STXBP5L: variants seen among roughly 807,000 people sequenced by gnomAD.
The protein encoded by STXBP5L is syntaxin binding protein 5L, also known as syntaxin-binding protein 5-like.
A neutral mutation model predicts 144.5 loss-of-function variants in STXBP5L; 65 were observed. That is an observed-to-expected ratio of 0.45 (90% CI 0.37 to 0.55). The LOEUF (loss-of-function observed/expected upper bound fraction) is 0.55, where lower values mean the gene tolerates loss of function less well. STXBP5L is among the 20% of genes least tolerant of loss of function. The pLI, the probability that STXBP5L is intolerant of heterozygous loss-of-function variation, is 0.00. For synonymous variants in STXBP5L, 505 were observed against 469.6 expected (o/e 1.08, Z -0.97); for missense variants, 1,298 against 1,405.5 (o/e 0.92, Z 1.22).
intron 5 of STXBP5L, among the ~76,000 whole-genome samples, chr3:121,087,867 TTATA>T (rs2042574294): frequency 6.6e-6 from 1 of 152,134 alleles, no homozygotes; most frequent in African/African-American, 2.4e-5. Context: ...AGGTATTTTA[TTATA>T]TACAAACAAC....
At chr3:121,370,516 T>G (rs1022855893) in intron 20 of STXBP5L, among the ~76,000 whole-genome samples, 1 of 152,182 alleles carries the variant, frequency 6.6e-6, no homozygotes, top group African/African-American at 2.4e-5. Flanking sequence ...ACTAAACACC[T>G]TTTCTTGATA....
chr3:121,200,175 A>G (rs551579341), intron 9 of STXBP5L, among the ~76,000 whole-genome samples: 1 of 152,152 alleles, frequency 6.6e-6, no homozygotes, highest in Non-Finnish European at 1.5e-5. Flanking sequence ...TTATTGGTAC[A>G]TTCCAGGATT....
intron 20 of STXBP5L, among the ~76,000 whole-genome samples, chr3:121,369,282 C>A: frequency 6.6e-6 from 1 of 151,700 alleles, no homozygotes; most frequent in East Asian, 1.9e-4. Context: ...TCTGTCAGTG[C>A]AATTGTTATC....
chr3:121,254,764 C>A, intron 15 of STXBP5L, 131 bp from the exon 16 acceptor site: 1 of 765,510 alleles, frequency 1.3e-6, no homozygotes, highest in Non-Finnish European at 2.1e-6. Flanking sequence ...GAATGCTTTA[C>A]TGGTTAAAAT....
intron 3 of STXBP5L, among the ~76,000 whole-genome samples, chr3:121,006,515 C>G (rs764282737): frequency 2.6e-5 from 4 of 152,134 alleles, no homozygotes; most frequent in Non-Finnish European, 5.9e-5. Context: ...CTTTGCCAGT[C>G]CGTGTCTTTT....
intron 7 of STXBP5L, among the ~76,000 whole-genome samples, chr3:121,123,745 A>G (rs891538785): frequency 6.6e-6 from 1 of 151,844 alleles, no homozygotes; most frequent in African/African-American, 2.4e-5. Flanking sequence ...GAATATTGGC[A>G]TCAGAAAACT....
intron 1 of STXBP5L, 92 bp from the exon 2 acceptor site, chr3:120,909,476 GACT>G: frequency 8.9e-7 from 1 of 1,129,286 alleles, no homozygotes; most frequent in Non-Finnish European, 1.2e-6. Context: ...AATGGGGACT[GACT>G]TGACTAATGA....
chr3:121,145,517 C>A (rs2045680925), intron 7 of STXBP5L, among the ~76,000 whole-genome samples: 1 of 151,788 alleles, frequency 6.6e-6, no homozygotes. Context: ...ACAAAATTTG[C>A]AACAATTCAT....
chr3:121,087,925 A>T (rs950080401), intron 5 of STXBP5L, among the ~76,000 whole-genome samples: 2 of 152,152 alleles, frequency 1.3e-5, no homozygotes, highest in Non-Finnish European at 2.9e-5. Flanking sequence ...TTTGAATGAA[A>T]TGCAGAGACT....
chr3:121,287,065 A>G (rs2051257115), intron 19 of STXBP5L, among the ~76,000 whole-genome samples: 1 of 152,192 alleles, frequency 6.6e-6, no homozygotes, highest in Non-Finnish European at 1.5e-5. Flanking sequence ...CAACGTATAC[A>G]TATGATGCAG....
chr3:121,411,855 G>GA (rs1190424286), intron 23 of STXBP5L, among the ~76,000 whole-genome samples: 3 of 152,118 alleles, frequency 2.0e-5, no homozygotes, highest in Non-Finnish European at 4.4e-5. Flanking sequence ...TTGCCTTAAA[G>GA]AAAGACAATA....
intron 2 of STXBP5L, among the ~76,000 whole-genome samples, chr3:120,913,078 T>G (rs1293873534): frequency 1.3e-5 from 2 of 151,996 alleles, no homozygotes; most frequent in Non-Finnish European, 2.9e-5. Context: ...CTTTTTTTTC[T>G]TTTTTAAAAA....
Position 121,390,117 on chromosome 3 carries a change from G to A in STXBP5L, c.2587+8585G>A, listed in dbSNP as rs558863992. ...TAGGAAAGTTAGCTCTTCTTGTTGA[G>A]TTGATCCCTTTACCATTATGTAATG... is the stretch of plus-strand genomic sequence containing the variant. On this transcript the variant is annotated intron_variant, in intron 22 of 26. Coordinates refer to ENST00000471454, the MANE Select transcript of STXBP5L (RefSeq NM_001308330.2). Among the ~76,000 whole-genome samples, 4 of 152,176 alleles carry A rather than the reference G, an allele frequency of 2.6e-5. No homozygotes were observed. In the East Asian group the frequency reaches 7.7e-4, roughly 29 times the overall value.
At chr3:121,164,874 G>T (rs1473159166) in intron 9 of STXBP5L, among the ~76,000 whole-genome samples, 1 of 152,080 alleles carries the variant, frequency 6.6e-6, no homozygotes, top group Non-Finnish European at 1.5e-5. Flanking sequence ...TGGTTACCAG[G>T]GGCAGGAGAG....
At chr3:121,159,632 T>TC (rs1263480346) in intron 9 of STXBP5L, among the ~76,000 whole-genome samples, 1 of 148,368 alleles carries the variant, frequency 6.7e-6, no homozygotes, top group South Asian at 2.2e-4. Flanking sequence ...ATTTTCTTTT[T>TC]TTTTTTTTTT....
intron 5 of STXBP5L, among the ~76,000 whole-genome samples, chr3:121,063,470 G>A (rs1290390323): frequency 2.0e-5 from 3 of 152,190 alleles, no homozygotes; most frequent in African/African-American, 4.8e-5. Flanking sequence ...AGGAGTTATG[G>A]GGGTTAGGTA....
chr3:121,014,199 A>G (rs1944979739), intron 3 of STXBP5L, among the ~76,000 whole-genome samples: 1 of 151,910 alleles, frequency 6.6e-6, no homozygotes, highest in Non-Finnish European at 1.5e-5. Flanking sequence ...AGATAGGAAT[A>G]GTGTTGAGTC....
intron 19 of STXBP5L, among the ~76,000 whole-genome samples, chr3:121,312,253 T>A (rs764875225): frequency 1.3e-5 from 2 of 151,444 alleles, no homozygotes; most frequent in Non-Finnish European, 2.9e-5. Context: ...AAAGAAAACC[T>A]AGGCATTACC....
At chr3:121,338,482 A>G (rs954223071) in intron 20 of STXBP5L, among the ~76,000 whole-genome samples, 7 of 151,732 alleles carry the variant, frequency 4.6e-5, no homozygotes, top group Non-Finnish European at 1.0e-4. Context: ...TGTCTCTACT[A>G]AAAATACAAA....
Sources: allele counts gnomAD v4.1 joint callset (sites outside exome capture counted in the v4.1 genomes callset), GRCh38; gene constraint gnomAD v4.1.1; transcripts MANE v1.5; gene names NCBI Gene and HGNC (gene_info 2026-07-23, HGNC 2026-07-21).